TRMT11: variants seen among roughly 807,000 people sequenced by gnomAD.
TRMT11 encodes the protein tRNA methyltransferase 11.
Under a neutral mutation model 62.8 loss-of-function variants are expected in TRMT11, and 53 were observed. The ratio of observed to expected loss-of-function variants is 0.84; its 90% CI spans 0.68 to 1.06. TRMT11 has a LOEUF of 1.06. TRMT11 is among the 50% of genes least tolerant of loss of function. The pLI, the probability that TRMT11 is intolerant of heterozygous loss-of-function variation, is 0.00. For synonymous variants in TRMT11, 188 were observed against 190.3 expected (o/e 0.99, Z 0.10); for missense variants, 556 against 553.4 (o/e 1.00, Z -0.05).
chr6:126,112,840 GTTTTA>G (rs564766820), intron 17 of TRMT11, among the ~76,000 whole-genome samples: 104 of 151,814 alleles, frequency 6.9e-4, no homozygotes, highest in African/African-American at 2.3e-3. Context: ...TGAAATCAGA[GTTTTA>G]GTATTCTTTT....
intron 21 of TRMT11, among the ~76,000 whole-genome samples, chr6:126,167,997 GT>G (rs1778287816): frequency 6.6e-6 from 1 of 152,192 alleles, no homozygotes; most frequent in Admixed American, 6.5e-5. Context: ...TTGGACTTGG[GT>G]CAGTGTCTCC....
intron 7 of TRMT11, among the ~76,000 whole-genome samples, chr6:126,007,471 C>A (rs1462473258): frequency 2.0e-5 from 3 of 151,808 alleles, no homozygotes; most frequent in African/African-American, 7.3e-5. Context: ...AGCAGGCCTT[C>A]CTAGAGTATA....
chr6:126,154,331 G>C (rs532483140), intron 21 of TRMT11, among the ~76,000 whole-genome samples: 8 of 145,554 alleles, frequency 5.5e-5, no homozygotes, highest in African/African-American at 2.2e-4. Context: ...AGATATGTGT[G>C]TGTGTGTATG....
chr6:126,073,982 G>T (rs1776936324), intron 17 of TRMT11, among the ~76,000 whole-genome samples: 1 of 152,122 alleles, frequency 6.6e-6, no homozygotes, highest in African/African-American at 2.4e-5. Flanking sequence ...AATCTCGTGA[G>T]AACTCACTGT....
chr6:125,998,487 G>T, intron 5 of TRMT11, 63 bp from the exon 6 acceptor site: 2 of 1,525,758 alleles, frequency 1.3e-6, no homozygotes, highest in Middle Eastern at 3.8e-4. Context: ...AATGTTATTA[G>T]ATAAGCGCCA....
chr6:126,095,771 G>A (rs190766713), intron 17 of TRMT11, among the ~76,000 whole-genome samples: 1 of 152,304 alleles, frequency 6.6e-6, no homozygotes, highest in Non-Finnish European at 1.5e-5. Flanking sequence ...GTCTAAGTGG[G>A]AGACAAAGTA....
intron 1 of TRMT11, among the ~76,000 whole-genome samples, chr6:125,992,556 C>T (rs1053784213): frequency 6.6e-6 from 1 of 152,200 alleles, no homozygotes; most frequent in Non-Finnish European, 1.5e-5. Context: ...CCCTTAATAA[C>T]CACCTAGGTT....
At chr6:126,027,325 T>C (rs1276014853) in intron 12 of TRMT11, among the ~76,000 whole-genome samples, 1 of 152,202 alleles carries the variant, frequency 6.6e-6, no homozygotes, top group Non-Finnish European at 1.5e-5. Flanking sequence ...ACCTTCTCCA[T>C]AGAATCTACT....
At chr6:126,003,690 T>G (rs1792889437) in intron 7 of TRMT11, among the ~76,000 whole-genome samples, 1 of 152,112 alleles carries the variant, frequency 6.6e-6, no homozygotes. Flanking sequence ...GATTTGTCTT[T>G]TTTTGTCTTT....
chr6:126,005,314 A>G (rs567607322), intron 7 of TRMT11, among the ~76,000 whole-genome samples: 3 of 152,218 alleles, frequency 2.0e-5, no homozygotes, highest in Middle Eastern at 3.4e-3. Flanking sequence ...AGGAGGTAGT[A>G]TGATATAAAG....
chr6:126,219,954 T>C, the TRMT11 span, among the ~76,000 whole-genome samples: 2 of 152,170 alleles, frequency 1.3e-5, no homozygotes, highest in Admixed American at 1.3e-4. Flanking sequence ...CCAAATCCAG[T>C]GATTTAAGAT....
chr6:126,238,812 GT>G, the TRMT11 span, among the ~76,000 whole-genome samples: 1 of 152,174 alleles, frequency 6.6e-6, no homozygotes, highest in Admixed American at 6.5e-5. Flanking sequence ...ACAGTGGGGT[GT>G]TAAAGTCTCC....
intron 12 of TRMT11, among the ~76,000 whole-genome samples, chr6:126,033,625 G>A (rs1774626792): frequency 6.6e-6 from 1 of 152,186 alleles, no homozygotes; most frequent in African/African-American, 2.4e-5. Flanking sequence ...GTGAATAAAT[G>A]CTAACATTCC....
At chr6:126,083,981 C>A (rs1372484594) in intron 17 of TRMT11, among the ~76,000 whole-genome samples, 1 of 152,074 alleles carries the variant, frequency 6.6e-6, no homozygotes, top group Non-Finnish European at 1.5e-5. Flanking sequence ...GTTTCTTTTT[C>A]CATTTGTCCA....
At chr6:126,062,046 A>G (rs1776549966) in intron 17 of TRMT11, among the ~76,000 whole-genome samples, 1 of 152,034 alleles carries the variant, frequency 6.6e-6, no homozygotes, top group Non-Finnish European at 1.5e-5. Flanking sequence ...CGCTTGGCTA[A>G]TTTTTGTATT....
intron 7 of TRMT11, among the ~76,000 whole-genome samples, chr6:126,007,758 A>T (rs982730659): frequency 4.6e-5 from 7 of 152,026 alleles, no homozygotes; most frequent in Non-Finnish European, 1.0e-4. Context: ...CAGCACTAAT[A>T]AAAACAGTTT....
chr6:126,259,149 T>C, the TRMT11 span, among the ~76,000 whole-genome samples: 1 of 152,368 alleles, frequency 6.6e-6, no homozygotes, highest in South Asian at 2.1e-4. Flanking sequence ...GTAAAGGACA[T>C]GATCTCATTT....
At chr6:126,247,542 A>G in the TRMT11 span, among the ~76,000 whole-genome samples, 1 of 147,300 alleles carries the variant, frequency 6.8e-6, no homozygotes, top group Non-Finnish European at 1.5e-5. Context: ...ATATAAATAT[A>G]TAAAAATATA....
intron 17 of TRMT11, among the ~76,000 whole-genome samples, chr6:126,080,157 AGTGGCG>A (rs1282034553): frequency 6.6e-6 from 1 of 152,108 alleles, no homozygotes; most frequent in African/African-American, 2.4e-5. Context: ...GCTGGAGTGC[AGTGGCG>A]TGATCATAGC....
Sources: allele counts gnomAD v4.1 joint callset (sites outside exome capture counted in the v4.1 genomes callset), GRCh38; gene constraint gnomAD v4.1.1; transcripts MANE v1.5; gene names NCBI Gene and HGNC (gene_info 2026-07-23, HGNC 2026-07-21).